The following RAB7B variants were observed in gnomAD, a reference collection of about 807,000 sequenced individuals.
RAB7B encodes the protein RAB7B, member RAS oncogene family.
chr1:205,999,886 A>G (rs957320026), intron 1 of RAB7B, among the ~76,000 whole-genome samples: 1 of 151,906 alleles, frequency 6.6e-6, no homozygotes, highest in Non-Finnish European at 1.5e-5. Context: ...TCCCCCCTCA[A>G]CCTCCCAGGT....
intron 1 of RAB7B, among the ~76,000 whole-genome samples, chr1:205,998,782 T>C (rs1220782060): frequency 2.0e-5 from 3 of 152,210 alleles, no homozygotes; most frequent in African/African-American, 7.2e-5. Flanking sequence ...GGGTAAACAA[T>C]ACGTTATTAT....
intron 1 of RAB7B, among the ~76,000 whole-genome samples, chr1:205,994,676 C>T (rs1387887769): frequency 6.6e-6 from 1 of 152,194 alleles, no homozygotes; most frequent in African/African-American, 2.4e-5. Flanking sequence ...ATACATGTTT[C>T]TGGAAAGCTA....
chr1:206,000,438 G>A (rs1054448654), intron 1 of RAB7B, among the ~76,000 whole-genome samples: 2 of 152,180 alleles, frequency 1.3e-5, no homozygotes, highest in South Asian at 2.1e-4. Context: ...AGGATGTCTG[G>A]TGCCATGGAG....
intron 1 of RAB7B, among the ~76,000 whole-genome samples, chr1:205,999,158 G>A (rs1350856794): frequency 6.6e-6 from 1 of 152,210 alleles, no homozygotes; most frequent in East Asian, 1.9e-4. Context: ...ATGGGTGAGG[G>A]TTTGATGCAG....
chr1:205,995,570 A>C (rs939809793), intron 1 of RAB7B, among the ~76,000 whole-genome samples: 2 of 152,114 alleles, frequency 1.3e-5, no homozygotes, highest in East Asian at 3.8e-4. Flanking sequence ...TTAAAAAAAA[A>C]CTTACAATTT....
Position 205,989,436 on chromosome 1 carries a change from C to A in RAB7B, c.396+3044G>T, listed in dbSNP as rs887221472. Among the ~76,000 whole-genome samples, 251 of 152,204 alleles carry A rather than the reference C, an allele frequency of 1.6e-3. 4 individuals are homozygous for A. The East Asian group carries it at 0.038, about 23-fold the overall frequency. ...CCCGCCCTCCTCACCTTGCCAGGTG[C>A]CCCTCATTCACTAAACACTTGCCAT... is the stretch of plus-strand genomic sequence containing the variant. On this transcript the variant is annotated intron_variant, in intron 4 of 5. Transcript: ENST00000617070.
intron 1 of RAB7B, among the ~76,000 whole-genome samples, chr1:205,999,222 G>C (rs1185203975): frequency 6.6e-6 from 1 of 152,212 alleles, no homozygotes; most frequent in Non-Finnish European, 1.5e-5. Flanking sequence ...GAGGAAGGTA[G>C]AAGGTGTGTG....
At chr1:205,987,295 C>G (rs1219876428) in intron 4 of RAB7B, among the ~76,000 whole-genome samples, 1 of 152,122 alleles carries the variant, frequency 6.6e-6, no homozygotes, top group East Asian at 1.9e-4. Context: ...GGCTCTGACT[C>G]TGAAAATAAG....
intron 1 of RAB7B, among the ~76,000 whole-genome samples, chr1:206,002,698 G>A (rs1341498855): frequency 6.6e-6 from 1 of 152,192 alleles, no homozygotes; most frequent in African/African-American, 2.4e-5. Context: ...CAAGAACTGG[G>A]TATAGAACCC....
intron 4 of RAB7B, among the ~76,000 whole-genome samples, chr1:205,988,913 G>A (rs1346020590): frequency 6.6e-6 from 1 of 152,122 alleles, no homozygotes; most frequent in Non-Finnish European, 1.5e-5. Flanking sequence ...GGACATTTGA[G>A]GGCCGGCACT....
At chr1:205,980,232 TGAGC>T (rs1289162456) in intron 5 of RAB7B, among the ~76,000 whole-genome samples, 8 of 152,144 alleles carry the variant, frequency 5.3e-5, no homozygotes, top group Non-Finnish European at 7.4e-5. Flanking sequence ...ACTAGCAGAG[TGAGC>T]ACCATCTGGG....
At position 205,978,778 on chromosome 1, in the gene RAB7B, C is replaced by T; in HGVS notation, c.*73G>A. 2.5e-6 allele frequency: 1 copy of T among 398,222 alleles called. No individual in the cohort carries two copies. The highest frequency in any genetic ancestry group is 4.4e-5 in the Admixed American group (1 of 22,728). 24.7% of individuals were successfully genotyped at this position (398,222 alleles called of 1,614,324 possible). On this transcript the variant is annotated 3_prime_UTR_variant, in exon 6 of 6. Coordinates refer to ENST00000617070, the MANE Select transcript of RAB7B (RefSeq NM_001164522.3). ...AGTGGGGCTGGAGGGGGATGGTCAC[C>T]TGTTCTCAAGCCTGGGGTGACCAGG...
At chr1:205,983,131 C>T (rs1452890399) in intron 5 of RAB7B, among the ~76,000 whole-genome samples, 2 of 152,164 alleles carry the variant, frequency 1.3e-5, no homozygotes, top group Non-Finnish European at 2.9e-5. Context: ...GCCTTGGTGG[C>T]CTTGCTGGCT....
In RAB7B at chr1:205,989,399, C is replaced by T. The variant is rs938905407; in HGVS notation, c.396+3081G>A. On this transcript the variant is annotated intron_variant, in intron 4 of 5. Transcript: ENST00000617070. ...GCTTGGATTGGACCCCCTCTACTCC[C>T]GCGAGTCACCACCCGCCCTCCTCAC... Among the ~76,000 whole-genome samples the T allele has an allele frequency of 8.5e-5, 13 of 152,184 alleles. No homozygotes were observed. The East Asian group carries it at 1.4e-3, about 16-fold the overall frequency.
intron 1 of RAB7B, among the ~76,000 whole-genome samples, chr1:205,999,054 C>T (rs1660851015): frequency 1.3e-5 from 2 of 152,330 alleles, no homozygotes; most frequent in East Asian, 3.9e-4. Flanking sequence ...CCAGAGCCAG[C>T]TCTCTTAACT....
chr1:205,993,471 G>A lies in RAB7B; in HGVS notation c.129C>T (p.Ala43=). Residue 43 remains alanine, a synonymous_variant, in exon 3 of 6, where the codon GCC becomes GCT. Transcript: ENST00000617070. The part of the protein sequence containing the change: ...FYEEYQTTLG[A]SILSKIIILG... ...ATATGATAATCTTGGAGAGGATGCT[G>A]GCCCCCAGTGTGGTCTGGTATTCCT... 1 of 398,598 alleles carries A rather than the reference G, an allele frequency of 2.5e-6. No homozygotes were observed. The highest frequency in any genetic ancestry group is 4.4e-6 in the Non-Finnish European group (1 of 226,072). 24.7% of individuals were successfully genotyped at this position (398,598 alleles called of 1,614,324 possible).
chr1:205,998,021 T>C (rs1196512288), intron 1 of RAB7B, among the ~76,000 whole-genome samples: 1 of 152,118 alleles, frequency 6.6e-6, no homozygotes. Flanking sequence ...CACCCAAGCC[T>C]GCACAGGGAG....
chr1:205,988,718 C>G lies in RAB7B; in HGVS notation c.397-3053G>C, dbSNP rs1268432227. Among the ~76,000 whole-genome samples, 3 of 152,288 alleles carry G rather than the reference C, an allele frequency of 2.0e-5. No individual in the cohort carries two copies. In the East Asian group the frequency reaches 5.8e-4, roughly 29 times the overall value. On this transcript the variant is annotated intron_variant, in intron 4 of 5. Transcript: ENST00000617070. ...GAAGTCTGTGTTCTGGTCTCCGCCC[C>G]GCAGAGGAGGGAACCGGTCCAGGCT...
chr1:205,998,374 A>G (rs2102643714), intron 1 of RAB7B, among the ~76,000 whole-genome samples: 1 of 152,180 alleles, frequency 6.6e-6, no homozygotes, highest in East Asian at 1.9e-4. Flanking sequence ...AAATAAACAA[A>G]CAAAAAATGC....
Sources: allele counts gnomAD v4.1 joint callset (sites outside exome capture counted in the v4.1 genomes callset), GRCh38; gene constraint gnomAD v4.1.1; transcripts MANE v1.5; gene names NCBI Gene and HGNC (gene_info 2026-07-23, HGNC 2026-07-21).